The following PRKN variants were observed in gnomAD, a reference collection of about 807,000 sequenced individuals.
The protein encoded by PRKN is parkin RBR E3 ubiquitin protein ligase.
In PRKN, 56 loss-of-function variants were observed where a neutral mutation model predicts 59.5. The observed-to-expected ratio is 0.94, with a 90% confidence interval of 0.76 to 1.18. The LOEUF (loss-of-function observed/expected upper bound fraction) is 1.18, where lower values mean the gene tolerates loss of function less well. PRKN is among the 50% of genes most tolerant of loss of function. The pLI is 0.00. For synonymous variants in PRKN, 250 were observed against 222.1 expected, an observed-to-expected ratio of 1.13 and a Z score of -1.12; for missense variants, 657 against 596.4, an observed-to-expected ratio of 1.10 and a Z score of -1.06.
chr6:161,847,606 C>G (rs1793254533), intron 6 of PRKN, among the ~76,000 whole-genome samples: 1 of 149,436 alleles, frequency 6.7e-6, no homozygotes, highest in Non-Finnish European at 1.5e-5. Context: ...TTTTTTTTTC[C>G]TATTTGTTTC....
chr6:161,484,022 TG>T lies in PRKN; in HGVS notation c.1083+64831del, dbSNP rs1389964899. Among the ~76,000 whole-genome samples, 1 of 151,812 alleles carries T rather than the reference TG, an allele frequency of 6.6e-6. No individual in the cohort carries two copies. Among genetic ancestry groups the T allele is most frequent in the African/African-American group, 2.4e-5 (1 of 41,310 alleles). ...GGGAACAACACACACTGGGGCCTGC[TG>T]GGGGGTTGTGGGGAGGGAGAGCATC... is the stretch of plus-strand genomic sequence containing the variant. On this transcript the variant is annotated intron_variant, in intron 9 of 11. Coordinates refer to ENST00000366898, the MANE Select transcript of PRKN (RefSeq NM_004562.3). This position sits in a 1 kb window ranked among gnomAD's most constrained non-coding sequence, Gnocchi z 4.9.
At chr6:162,450,350 CT>C (rs1180397574) in intron 1 of PRKN, among the ~76,000 whole-genome samples, 7 of 97,354 alleles carry the variant, frequency 7.2e-5, no homozygotes, top group Admixed American at 2.1e-4. Flanking sequence ...TGTAATCCCC[CT>C]GTGAATGTAA....
At chr6:162,584,262 A>C in intron 1 of PRKN, among the ~76,000 whole-genome samples, 1 of 151,226 alleles carries the variant, frequency 6.6e-6, no homozygotes, top group Non-Finnish European at 1.5e-5. Context: ...AAAAAAAAAC[A>C]CTGACTATAT....
At chr6:162,576,992 C>T (rs556854647) in intron 1 of PRKN, among the ~76,000 whole-genome samples, 87 of 152,028 alleles carry the variant, frequency 5.7e-4, no homozygotes, top group African/African-American at 1.7e-3. Context: ...TTTCTAAACA[C>T]GACCATAAAG....
intron 2 of PRKN, among the ~76,000 whole-genome samples, chr6:162,314,404 A>G (rs1186333602): frequency 6.6e-6 from 1 of 152,142 alleles, no homozygotes; most frequent in Admixed American, 6.5e-5. Flanking sequence ...TAATGACCAC[A>G]TTGTTTATCC....
intron 6 of PRKN, among the ~76,000 whole-genome samples, chr6:161,961,279 A>G (rs1780366208): frequency 6.6e-6 from 1 of 152,148 alleles, no homozygotes; most frequent in Non-Finnish European, 1.5e-5. Context: ...CTTTGTGGTC[A>G]CGGTCTGGTC....
Position 161,423,293 on chromosome 6 carries a change from C to T in PRKN, c.1084-36416G>A, listed in dbSNP as rs140861295. Reference sequence around the variant, plus strand: ...CTGAAGGGTTGTCATGCTCTCTCTGCTTTCTAATGTACATAGAGGTGTCTA... The same window carrying T: ...CTGAAGGGTTGTCATGCTCTCTCTGTTTTCTAATGTACATAGAGGTGTCTA... On this transcript the variant is annotated intron_variant, in intron 9 of 11. Coordinates refer to ENST00000366898, the MANE Select transcript of PRKN (RefSeq NM_004562.3). This position sits in a 1 kb window ranked among gnomAD's most constrained non-coding sequence, Gnocchi z 5.9. Among the ~76,000 whole-genome samples the T allele has an allele frequency of 3.8e-4, 58 of 152,292 alleles. No homozygotes were observed. The East Asian group carries it at 0.011, about 28-fold the overall frequency.
At chr6:161,612,449 G>A (rs1364242390) in intron 7 of PRKN, among the ~76,000 whole-genome samples, 5 of 152,102 alleles carry the variant, frequency 3.3e-5, no homozygotes, top group South Asian at 2.1e-4. Context: ...AGCCAGGCGC[G>A]GTGGCTCACA....
At chr6:162,647,249 A>G (rs1161397054) in intron 1 of PRKN, among the ~76,000 whole-genome samples, 1 of 152,030 alleles carries the variant, frequency 6.6e-6, no homozygotes, top group African/African-American at 2.4e-5. Flanking sequence ...AAATACATGC[A>G]TCTTAAAGGT....
At chr6:162,166,395 A>C (rs1396738647) in intron 4 of PRKN, among the ~76,000 whole-genome samples, 2 of 152,294 alleles carry the variant, frequency 1.3e-5, no homozygotes, top group African/African-American at 4.8e-5. Flanking sequence ...AGGGCTTGGA[A>C]CTGACCAGGA....
intron 9 of PRKN, among the ~76,000 whole-genome samples, chr6:161,436,770 C>G (rs1471431804): frequency 6.6e-6 from 1 of 152,086 alleles, no homozygotes; most frequent in East Asian, 1.9e-4. Flanking sequence ...TCCTCAGGGT[C>G]TCCTGGCTAT....
intron 7 of PRKN, among the ~76,000 whole-genome samples, chr6:161,747,325 T>C (rs1788475005): frequency 6.6e-6 from 1 of 152,022 alleles, no homozygotes; most frequent in African/African-American, 2.4e-5. Flanking sequence ...TCAACCTACT[T>C]GCCTAAAGAG....
In PRKN at chr6:162,049,938, C is replaced by G. The variant is rs11755261; in HGVS notation, c.618+4153G>C. Among the ~76,000 whole-genome samples the G allele has an allele frequency of 5.1e-3, 770 of 152,226 alleles. 1 individual carries two copies. The highest frequency in any genetic ancestry group is 8.0e-3 in the Non-Finnish European group (545 of 68,020). ...CACAGAGAGCTGTGTTACTCTCTCT[C>G]CCACCATGGTGTTAAATTTATCCAC... On this transcript the variant is annotated intron_variant, in intron 5 of 11. Coordinates refer to ENST00000366898, the MANE Select transcript of PRKN (RefSeq NM_004562.3).
At chr6:161,733,039 A>C (rs552109565) in intron 7 of PRKN, among the ~76,000 whole-genome samples, 1 of 152,330 alleles carries the variant, frequency 6.6e-6, no homozygotes, top group Admixed American at 6.5e-5. Context: ...AGAAAAAAAC[A>C]AAAACAAAAA....
At chr6:162,709,296 T>G (rs1003282330) in intron 1 of PRKN, among the ~76,000 whole-genome samples, 4 of 152,052 alleles carry the variant, frequency 2.6e-5, no homozygotes, top group Non-Finnish European at 5.9e-5. Context: ...AAAATTGTCT[T>G]ATGAAACCGA....
At chr6:161,873,010 T>C (rs1343719228) in intron 6 of PRKN, among the ~76,000 whole-genome samples, 2 of 149,432 alleles carry the variant, frequency 1.3e-5, no homozygotes, top group East Asian at 2.0e-4. Flanking sequence ...GTGTGGCTGG[T>C]TGTCAAGCAG....
rs189471460 is a variant in PRKN at position 161,718,934 on chromosome 6, T to C, written c.871+66838A>G. Among the ~76,000 whole-genome samples the C allele has an allele frequency of 8.1e-3, 1,241 of 152,342 alleles. 7 individuals carry two copies. Among genetic ancestry groups the C allele is most frequent in the South Asian group, 0.017 (81 of 4,826 alleles). On this transcript the variant is annotated intron_variant, in intron 7 of 11. Coordinates refer to ENST00000366898, the MANE Select transcript of PRKN (RefSeq NM_004562.3). The stretch of plus-strand genomic sequence containing the variant: ...TTTAGCGGCATCTCACAATTATAGA[T>C]AATCTCATGGAGCAGGCTAATTACA...
chr6:161,412,879 C>G (rs1787653315), intron 9 of PRKN, among the ~76,000 whole-genome samples: 1 of 152,002 alleles, frequency 6.6e-6, no homozygotes, highest in African/African-American at 2.4e-5. Flanking sequence ...CATTCCTCCA[C>G]TCACTCATTC....
intron 1 of PRKN, among the ~76,000 whole-genome samples, chr6:162,518,586 C>T (rs1450823597): frequency 6.6e-6 from 1 of 152,010 alleles, no homozygotes; most frequent in Non-Finnish European, 1.5e-5. Context: ...AGGCTGGTCT[C>T]GAACTCCTGA....
Sources: allele counts gnomAD v4.1 joint callset (sites outside exome capture counted in the v4.1 genomes callset), GRCh38; gene constraint gnomAD v4.1.1; non-coding constraint Gnocchi (gnomAD v3.1); transcripts MANE v1.5; gene names NCBI Gene and HGNC (gene_info 2026-07-23, HGNC 2026-07-21).